Variants in AFAP1L2 observed in about 807,000 individuals in gnomAD.
AFAP1L2 encodes the protein actin filament associated protein 1 like 2.
In AFAP1L2, 46 loss-of-function variants were observed where a neutral mutation model predicts 99.3. The observed-to-expected ratio is 0.46, with a 90% confidence interval of 0.37 to 0.59. AFAP1L2 has a LOEUF of 0.59. Among genes scored for constraint, AFAP1L2 ranks in the 20% least tolerant of loss-of-function variants. The pLI is 0.00. For missense variants in AFAP1L2, 959 were observed against 1,034.9 expected, an observed-to-expected ratio of 0.93 and a Z score of 1.01; for synonymous variants, 397 against 419.1, an observed-to-expected ratio of 0.95 and a Z score of 0.64.
Position 114,298,762 on chromosome 10 carries a change from A to G in AFAP1L2, c.2113+498T>C, listed in dbSNP as rs143919286. Among the ~76,000 whole-genome samples, 164 of 152,354 alleles carry G rather than the reference A, an allele frequency of 1.1e-3. 1 individual carries two copies. The highest frequency in any genetic ancestry group is 3.7e-3 in the African/African-American group (153 of 41,586). On this transcript the variant is annotated intron_variant, in intron 16 of 18. Transcript: ENST00000304129. ...TCAAATGATACGAGTGTGATTTGGA[A>G]GATAATCTAGAAAGACTTCTTGGCA...
intron 1 of AFAP1L2, among the ~76,000 whole-genome samples, chr10:114,368,072 C>A (rs1453865347): frequency 6.6e-6 from 1 of 152,092 alleles, no homozygotes; most frequent in Non-Finnish European, 1.5e-5. Flanking sequence ...ACGTGTAAGG[C>A]AGATGGATGG....
At chr10:114,369,303 A>C (rs929842034) in intron 1 of AFAP1L2, among the ~76,000 whole-genome samples, 2 of 152,196 alleles carry the variant, frequency 1.3e-5, no homozygotes, top group Non-Finnish European at 2.9e-5. Flanking sequence ...ATTTAAAAAA[A>C]CAAACAAACA....
chr10:114,327,341 C>T (rs897574632), intron 4 of AFAP1L2, among the ~76,000 whole-genome samples: 1 of 150,730 alleles, frequency 6.6e-6, no homozygotes, highest in African/African-American at 2.4e-5. Context: ...TTAATAGAGA[C>T]GTGGTTTTCG....
intron 1 of AFAP1L2, among the ~76,000 whole-genome samples, chr10:114,350,961 A>T (rs1193523623): frequency 6.6e-6 from 1 of 152,142 alleles, no homozygotes; most frequent in Non-Finnish European, 1.5e-5. Flanking sequence ...CCTTAAATGC[A>T]ATCTACCAGA....
intron 1 of AFAP1L2, among the ~76,000 whole-genome samples, chr10:114,382,877 G>A (rs2055889079): frequency 6.6e-6 from 1 of 152,138 alleles, no homozygotes. Context: ...TTATAGGCAT[G>A]AGCCACCATG....
chr10:114,390,937 CT>C (rs1435331937), intron 1 of AFAP1L2, among the ~76,000 whole-genome samples: 3 of 152,118 alleles, frequency 2.0e-5, no homozygotes, highest in Non-Finnish European at 2.9e-5. Context: ...ACTTGTCAGC[CT>C]TTTGGCAGCT....
chr10:114,297,740 C>T (rs1344620586), intron 16 of AFAP1L2, among the ~76,000 whole-genome samples: 1 of 152,200 alleles, frequency 6.6e-6, no homozygotes, highest in African/African-American at 2.4e-5. Context: ...GGGCTTTATT[C>T]ATGGCCCATG....
At chr10:114,304,432 C>T (rs965868719) in intron 11 of AFAP1L2, among the ~76,000 whole-genome samples, 2 of 152,172 alleles carry the variant, frequency 1.3e-5, no homozygotes, top group Non-Finnish European at 2.9e-5. Flanking sequence ...ACAACACCCA[C>T]TTTGAATCCC....
At chr10:114,314,183 G>T (rs1564837804) in intron 6 of AFAP1L2, 133 bp from the exon 7 acceptor site, 12 of 814,592 alleles carry the variant, frequency 1.5e-5, no homozygotes, top group Non-Finnish European at 1.9e-5. Flanking sequence ...TAAGAGGCTG[G>T]ACACCCCGAA....
At chr10:114,286,070 G>A in the AFAP1L2 span, 7 of 1,614,032 alleles carry the variant, frequency 4.3e-6, no homozygotes, top group East Asian at 4.5e-5. Flanking sequence ...GCTGAGCGAG[G>A]ACTCTCGGGC....
At position 114,315,544 on chromosome 10, in the gene AFAP1L2, C is replaced by A. The variant is rs371868777; in HGVS notation, c.612+16G>T. 1.2e-6 allele frequency: 2 copies of A among 1,613,404 alleles called. No homozygotes were observed. Among genetic ancestry groups the A allele is most frequent in the Admixed American group, 3.3e-5 (2 of 60,000 alleles). On this transcript the variant is annotated intron_variant, in intron 6 of 18. Coordinates refer to ENST00000304129, the MANE Select transcript of AFAP1L2 (RefSeq NM_001001936.3). ...GGAGAGGAGTCGGGGGACAAGACGACGTAAGGCAGACTGACCAGAAGCCTG... is the reference window on the plus strand; with the variant it reads ...GGAGAGGAGTCGGGGGACAAGACGAAGTAAGGCAGACTGACCAGAAGCCTG...
chr10:114,282,026 T>TTTTTTTTTTTTTC, the AFAP1L2 span, among the ~76,000 whole-genome samples: 1 of 149,888 alleles, frequency 6.7e-6, no homozygotes, highest in Admixed American at 6.7e-5. Flanking sequence ...CCTTTTTTTT[T>TTTTTTTTTTTTTC]TGAGATGGAG....
chr10:114,329,959 G>A (rs2046990525), intron 4 of AFAP1L2, among the ~76,000 whole-genome samples: 1 of 152,108 alleles, frequency 6.6e-6, no homozygotes, highest in South Asian at 2.1e-4. Context: ...GTGGGCGGAT[G>A]GTGTGTGTGC....
chr10:114,286,077 G>C, the AFAP1L2 span: 1 of 1,614,124 alleles, frequency 6.2e-7, no homozygotes, highest in Non-Finnish European at 8.5e-7. Flanking sequence ...GAGGACTCTC[G>C]GGCCCGAGTG....
upstream of AFAP1L2, among the ~76,000 whole-genome samples, chr10:114,405,035 C>T (rs1011111282): frequency 4.6e-5 from 7 of 152,240 alleles, no homozygotes; most frequent in African/African-American, 1.4e-4. Context: ...GCAACCAAAC[C>T]TGCTCCGGGT....
At chr10:114,383,311 A>G (rs1219779568) in intron 1 of AFAP1L2, among the ~76,000 whole-genome samples, 1 of 152,078 alleles carries the variant, frequency 6.6e-6, no homozygotes, top group Non-Finnish European at 1.5e-5. Context: ...CAGGCAAAAA[A>G]CAGGGACAGG....
At chr10:114,387,786 A>T (rs1158783083) in intron 1 of AFAP1L2, among the ~76,000 whole-genome samples, 1 of 152,178 alleles carries the variant, frequency 6.6e-6, no homozygotes, top group Non-Finnish European at 1.5e-5. Flanking sequence ...AGACAGTCTG[A>T]ACAGTGGGGG....
the AFAP1L2 span, among the ~76,000 whole-genome samples, chr10:114,287,684 T>G: frequency 6.6e-6 from 1 of 152,202 alleles, no homozygotes; most frequent in Non-Finnish European, 1.5e-5. Context: ...TTTGTTTGGT[T>G]GGATTTTTTA....
At chr10:114,329,060 G>A (rs2046855178) in intron 4 of AFAP1L2, among the ~76,000 whole-genome samples, 1 of 152,208 alleles carries the variant, frequency 6.6e-6, no homozygotes, top group Non-Finnish European at 1.5e-5. Flanking sequence ...CTGGGGCCTG[G>A]AAGCTGTCCA....
Sources: gnomAD v4.1 joint callset for allele counts (sites outside exome capture counted in the v4.1 genomes callset) on GRCh38, gnomAD v4.1.1 for gene constraint, MANE v1.5 for transcripts, NCBI Gene and HGNC (gene_info 2026-07-23, HGNC 2026-07-21) for gene names.